The following FAM227B variants were observed in gnomAD, a reference collection of about 807,000 sequenced individuals.
The protein encoded by FAM227B is family with sequence similarity 227 member B.
Under a neutral mutation model 73.8 loss-of-function variants are expected in FAM227B, and 88 were observed. That is an observed-to-expected ratio of 1.19 (90% CI 1.00 to 1.42). The LOEUF is 1.42. Among genes scored for constraint, FAM227B ranks in the 40% most tolerant of loss-of-function variants. The pLI is 0.00. For missense variants in FAM227B, 632 were observed against 590.9 expected (o/e 1.07, Z -0.72); for synonymous variants, 210 against 190.5 (o/e 1.10, Z -0.84).
intron 3 of FAM227B, among the ~76,000 whole-genome samples, chr15:49,593,230 C>G (rs928699988): frequency 6.6e-6 from 1 of 152,148 alleles, no homozygotes. Flanking sequence ...AAGCAGGTAC[C>G]TCAGTCGGAA....
At chr15:49,372,174 A>C (rs2045885057) in intron 11 of FAM227B, among the ~76,000 whole-genome samples, 1 of 137,092 alleles carries the variant, frequency 7.3e-6, no homozygotes, top group African/African-American at 2.8e-5. Context: ...ATTTATAAAT[A>C]AATGAAATAA....
intron 11 of FAM227B, among the ~76,000 whole-genome samples, chr15:49,469,703 G>A (rs1230870026): frequency 6.6e-6 from 1 of 152,118 alleles, no homozygotes; most frequent in Non-Finnish European, 1.5e-5. Context: ...CTAATTAGCA[G>A]TTGTCAGAGA....
chr15:49,451,726 C>A (rs890846284), intron 11 of FAM227B, among the ~76,000 whole-genome samples: 1 of 151,994 alleles, frequency 6.6e-6, no homozygotes, highest in South Asian at 2.1e-4. Flanking sequence ...AAATTTGAAG[C>A]CTTTATTGGG....
intron 11 of FAM227B, among the ~76,000 whole-genome samples, chr15:49,404,416 A>G (rs1217966100): frequency 1.3e-5 from 2 of 152,148 alleles, no homozygotes; most frequent in African/African-American, 2.4e-5. Flanking sequence ...AAGGTCTCTA[A>G]GAAGTTGCTT....
intron 11 of FAM227B, among the ~76,000 whole-genome samples, chr15:49,477,560 T>C (rs137939178): frequency 0.017 from 2,547 of 152,296 alleles, 34 homozygotes; most frequent in Middle Eastern, 0.037. Flanking sequence ...ACGTGTACCA[T>C]AGTTTGTTTA....
chr15:49,361,993 T>C (rs193119075), intron 13 of FAM227B, among the ~76,000 whole-genome samples: 8 of 152,270 alleles, frequency 5.3e-5, no homozygotes, highest in African/African-American at 9.6e-5. Context: ...TCTCTTATGA[T>C]TAGTGATGTT....
chr15:49,499,124 C>T (rs6493373), intron 11 of FAM227B, among the ~76,000 whole-genome samples: 44,415 of 137,872 alleles, frequency 0.32, 7,803 homozygotes, highest in African/African-American at 0.45. Flanking sequence ...CGAGATCCCG[C>T]CACTGCACTC....
intron 12 of FAM227B, among the ~76,000 whole-genome samples, chr15:49,370,577 G>A (rs917439028): frequency 1.3e-5 from 2 of 152,150 alleles, no homozygotes; most frequent in African/African-American, 4.8e-5. Context: ...TAAATACCGG[G>A]AAAAACATAA....
intron 10 of FAM227B, among the ~76,000 whole-genome samples, chr15:49,537,573 C>T (rs2070456544): frequency 6.6e-6 from 1 of 151,884 alleles, no homozygotes; most frequent in African/African-American, 2.4e-5. Flanking sequence ...GGTATATTAC[C>T]CAAAGGAAAT....
chr15:49,382,311 CAT>C (rs141617350), intron 11 of FAM227B, among the ~76,000 whole-genome samples: 250 of 152,012 alleles, frequency 1.6e-3, no homozygotes, highest in African/African-American at 5.8e-3. Context: ...GGAAGAGTAA[CAT>C]AATTTATAGT....
At chr15:49,563,594 C>G (rs563410752) in intron 9 of FAM227B, among the ~76,000 whole-genome samples, 1 of 152,246 alleles carries the variant, frequency 6.6e-6, no homozygotes, top group South Asian at 2.1e-4. Flanking sequence ...TCTGACTACA[C>G]TATAAGGTTA....
At chr15:49,329,260 A>ATGTT (rs1471536167) in intron 15 of FAM227B, 8 of 985,312 alleles carry the variant, frequency 8.1e-6, no homozygotes, top group Non-Finnish European at 9.6e-6. Flanking sequence ...GTGGGCAGAA[A>ATGTT]TGTTTGGCTG....
chr15:49,334,243 C>G, intron 14 of FAM227B: 2 of 984,394 alleles, frequency 2.0e-6, no homozygotes, highest in Non-Finnish European at 2.4e-6. Flanking sequence ...TCAATTCTTT[C>G]CTGCTGCTGT....
At chr15:49,340,403 G>GCCCCCCC (rs373386438) in intron 13 of FAM227B, among the ~76,000 whole-genome samples, 2 of 94,380 alleles carry the variant, frequency 2.1e-5, no homozygotes, top group Non-Finnish European at 4.4e-5. Flanking sequence ...GCAGTGCCCC[G>GCCCCCCC]CCCCCCCCCT....
At chr15:49,568,113 C>A (rs907055447) in intron 9 of FAM227B, 132 bp downstream of exon 9, 34 of 703,986 alleles carry the variant, frequency 4.8e-5, no homozygotes, top group Middle Eastern at 4.0e-4. Context: ...CAAAATATTA[C>A]TAATACTCTA....
intron 9 of FAM227B, among the ~76,000 whole-genome samples, chr15:49,555,984 G>T (rs2073626677): frequency 6.6e-6 from 1 of 152,088 alleles, no homozygotes; most frequent in South Asian, 2.1e-4. Context: ...GAATTTCAAT[G>T]AATTCTTTTT....
chr15:49,551,212 AGTGGGCC>A (rs1217784556), intron 9 of FAM227B, among the ~76,000 whole-genome samples: 10 of 152,162 alleles, frequency 6.6e-5, no homozygotes, highest in Admixed American at 6.6e-4. Flanking sequence ...GGGAGGTTGC[AGTGGGCC>A]GAGATGGCAG....
intron 11 of FAM227B, among the ~76,000 whole-genome samples, chr15:49,443,845 GTGCTA>G (rs1567286037): frequency 1.3e-5 from 2 of 151,660 alleles, no homozygotes; most frequent in Non-Finnish European, 3.0e-5. Context: ...ATATGCTTGT[GTGCTA>G]TGCTTCCTTT....
At chr15:49,595,344 A>C (rs2076827442) in intron 3 of FAM227B, among the ~76,000 whole-genome samples, 1 of 151,958 alleles carries the variant, frequency 6.6e-6, no homozygotes, top group Non-Finnish European at 1.5e-5. Context: ...GGAGCTTTTC[A>C]AATTAGTCTT....
Sources: allele counts gnomAD v4.1 joint callset (sites outside exome capture counted in the v4.1 genomes callset), GRCh38; gene constraint gnomAD v4.1.1; transcripts MANE v1.5; gene names NCBI Gene and HGNC (gene_info 2026-07-23, HGNC 2026-07-21).